Variants in GPR89A observed in about 807,000 individuals in gnomAD.
The protein encoded by GPR89A is golgi pH regulator A, also known as G protein-coupled receptor 89A.
GPR89A carries 16 observed loss-of-function variants against 52.0 expected under a neutral mutation model. The observed-to-expected ratio is 0.31, with a 90% confidence interval of 0.21 to 0.47. GPR89A has a LOEUF of 0.47. Ranked by LOEUF, GPR89A falls within the 20% of genes least tolerant of loss-of-function variation. The pLI is 1.00. For synonymous variants in GPR89A, 55 were observed against 150.9 expected (o/e 0.36, Z 4.66); for missense variants, 135 against 449.4 (o/e 0.30, Z 6.33).
At chr1:145,639,843 C>A (rs1213787724) in intron 7 of GPR89A, among the ~76,000 whole-genome samples, 1 of 151,292 alleles carries the variant, frequency 6.6e-6, no homozygotes, top group Non-Finnish European at 1.5e-5. Flanking sequence ...GGAAAGATAA[C>A]CTTTCACCAA....
At chr1:145,626,264 G>A (rs1158862566) in intron 5 of GPR89A, among the ~76,000 whole-genome samples, 2 of 151,718 alleles carry the variant, frequency 1.3e-5, no homozygotes, top group African/African-American at 2.4e-5. Context: ...ACAAAGACCC[G>A]ACTCTGACAC....
chr1:145,669,713 A>G, intron 13 of GPR89A, 23 bp downstream of exon 13: 2 of 1,611,564 alleles, frequency 1.2e-6, no homozygotes, highest in Non-Finnish European at 1.7e-6. Flanking sequence ...AGTTACCTTT[A>G]TGTTTACAGC....
At chr1:145,656,776 C>A (rs1278362611) in intron 10 of GPR89A, among the ~76,000 whole-genome samples, 12 of 151,602 alleles carry the variant, frequency 7.9e-5, no homozygotes, top group African/African-American at 1.2e-4. Context: ...ACTGTTATTC[C>A]TGCTCTTAGG....
At chr1:145,637,470 T>C (rs1165304999) in intron 7 of GPR89A, among the ~76,000 whole-genome samples, 1 of 152,016 alleles carries the variant, frequency 6.6e-6, no homozygotes, top group Non-Finnish European at 1.5e-5. Flanking sequence ...GATTTCACAG[T>C]TTAAGTAAAT....
At chr1:145,639,576 G>A (rs1326478302) in intron 7 of GPR89A, among the ~76,000 whole-genome samples, 13 of 150,850 alleles carry the variant, frequency 8.6e-5, no homozygotes, top group South Asian at 4.2e-4. Context: ...GCGAAACCCC[G>A]TCTCTACTAA....
At chr1:145,661,484 T>A (rs1461737622) in intron 10 of GPR89A, among the ~76,000 whole-genome samples, 1 of 147,014 alleles carries the variant, frequency 6.8e-6, no homozygotes, top group Non-Finnish European at 1.5e-5. Flanking sequence ...AAAACTTTTT[T>A]ATTATAGCCA....
intron 1 of GPR89A, among the ~76,000 whole-genome samples, chr1:145,610,122 T>C (rs145053734): frequency 4.7e-4 from 71 of 152,158 alleles, no homozygotes; most frequent in African/African-American, 1.6e-3. Flanking sequence ...TGCGGGCACA[T>C]AGTAGAGTTG....
At chr1:145,641,593 A>G (rs1360161632) in intron 7 of GPR89A, among the ~76,000 whole-genome samples, 1 of 152,032 alleles carries the variant, frequency 6.6e-6, no homozygotes, top group Non-Finnish European at 1.5e-5. Flanking sequence ...CTGACTTCCT[A>G]CTAGAAACAA....
intron 10 of GPR89A, among the ~76,000 whole-genome samples, chr1:145,650,637 G>T (rs868988450): frequency 1.4e-5 from 2 of 147,528 alleles, no homozygotes; most frequent in Non-Finnish European, 2.9e-5. Context: ...CTGTAGCCTC[G>T]CCAGCATCTG....
chr1:145,654,755 A>G (rs1232561726), intron 10 of GPR89A, among the ~76,000 whole-genome samples: 1 of 151,578 alleles, frequency 6.6e-6, no homozygotes, highest in Non-Finnish European at 1.5e-5. Flanking sequence ...TGATCTTCTC[A>G]TGGAGTATTT....
At chr1:145,612,141 C>G (rs1648329220) in intron 1 of GPR89A, 3 of 152,156 alleles carry the variant, frequency 2.0e-5, no homozygotes, top group Non-Finnish European at 2.9e-5. Context: ...CTCAAAGTTT[C>G]TCCGAATCTT....
rs1650439251 is a variant in GPR89A at position 145,639,032 on chromosome 1, T to G, written c.618-4837T>G. 1.3e-5 allele frequency among the ~76,000 whole-genome samples: 2 copies of G among 150,698 alleles called. 1 individual carries two copies. Among genetic ancestry groups the G allele is most frequent in the African/African-American group, 5.0e-5 (2 of 40,084 alleles). ...GACATATGAACATCAAATGTTTAAATACACTACTTACAATCACTCACAAAA... is the reference window on the plus strand; with the variant it reads ...GACATATGAACATCAAATGTTTAAAGACACTACTTACAATCACTCACAAAA... On this transcript the variant is annotated intron_variant, in intron 7 of 13. Coordinates refer to ENST00000313835, the MANE Select transcript of GPR89A (RefSeq NM_001097612.2).
At chr1:145,640,083 G>A (rs1650538374) in intron 7 of GPR89A, among the ~76,000 whole-genome samples, 1 of 151,732 alleles carries the variant, frequency 6.6e-6, no homozygotes, top group African/African-American at 2.4e-5. Context: ...GCCCGGTGTG[G>A]TGGCGGGCAC....
intron 1 of GPR89A, among the ~76,000 whole-genome samples, chr1:145,615,552 A>G (rs1648619101): frequency 6.7e-6 from 1 of 149,358 alleles, no homozygotes. Context: ...GGTTTTCACC[A>G]TGTTGGCCAG....
intron 10 of GPR89A, among the ~76,000 whole-genome samples, chr1:145,649,417 T>C (rs1376435947): frequency 2.0e-5 from 3 of 151,876 alleles, no homozygotes; most frequent in African/African-American, 7.3e-5. Context: ...TTTTTCTGTC[T>C]GGCTTATTTT....
intron 1 of GPR89A, among the ~76,000 whole-genome samples, chr1:145,613,342 T>G (rs1648431699): frequency 6.6e-6 from 1 of 151,666 alleles, no homozygotes; most frequent in Non-Finnish European, 1.5e-5. Context: ...TTTTCTCCTC[T>G]TCTGTCACCA....
At chr1:145,666,556 T>C (rs1400274947) in intron 12 of GPR89A, among the ~76,000 whole-genome samples, 1 of 152,076 alleles carries the variant, frequency 6.6e-6, no homozygotes, top group Non-Finnish European at 1.5e-5. Context: ...TCAACTATTT[T>C]TTTTTTTTAA....
At chr1:145,609,409 C>T (rs1490593271) in intron 1 of GPR89A, among the ~76,000 whole-genome samples, 5 of 152,108 alleles carry the variant, frequency 3.3e-5, no homozygotes, top group African/African-American at 1.2e-4. Flanking sequence ...TTAAAATTTA[C>T]CACCTTTTCT....
At chr1:145,654,601 T>C (rs1373627071) in intron 10 of GPR89A, among the ~76,000 whole-genome samples, 1 of 150,986 alleles carries the variant, frequency 6.6e-6, no homozygotes, top group Non-Finnish European at 1.5e-5. Context: ...TCCCAATTGC[T>C]TCTGGCTTAT....
Sources: allele counts gnomAD v4.1 joint callset (sites outside exome capture counted in the v4.1 genomes callset), GRCh38; gene constraint gnomAD v4.1.1; transcripts MANE v1.5; gene names NCBI Gene and HGNC (gene_info 2026-07-23, HGNC 2026-07-21).